The following TCF24 variants were observed in gnomAD, a reference collection of about 807,000 sequenced individuals.
TCF24 encodes the protein transcription factor 24.
Under a neutral mutation model 9.3 loss-of-function variants are expected in TCF24, and 5 were observed. The observed-to-expected ratio is 0.54, with a 90% CI of 0.28 to 1.13. TCF24 has a LOEUF of 1.13. TCF24 is among the 50% of genes most tolerant of loss of function. The pLI, the probability that TCF24 is intolerant of heterozygous loss-of-function variation, is 0.09. For missense variants in TCF24, 220 were observed against 236.1 expected (o/e 0.93, Z 0.45); for synonymous variants, 110 against 115.8 (o/e 0.95, Z 0.32).
intron 3 of TCF24, among the ~76,000 whole-genome samples, 166 bp downstream of exon 3, chr8:66,961,210 C>A (rs921678927): frequency 5.9e-5 from 9 of 152,210 alleles, no homozygotes; most frequent in African/African-American, 2.2e-4. Flanking sequence ...GCTTTCGCGG[C>A]GGGGACCTTG....
intron 3 of TCF24, among the ~76,000 whole-genome samples, chr8:66,956,714 T>A (rs1355841168): frequency 6.6e-6 from 1 of 152,192 alleles, no homozygotes; most frequent in Non-Finnish European, 1.5e-5. Context: ...TATCAAGATC[T>A]GGCATTGTTA....
At position 66,948,797 on chromosome 8, in the gene TCF24, G is replaced by A. The variant is rs546311139; in HGVS notation, c.391-633C>T. Among the ~76,000 whole-genome samples the A allele has an allele frequency of 2.6e-5, 4 of 152,254 alleles. No homozygotes were observed. In the East Asian group the frequency reaches 7.7e-4, roughly 29 times the overall value. On this transcript the variant is annotated intron_variant, in intron 3 of 3. Transcript: ENST00000563496. ...TGCAACCTCCATCTCCTGGGTTCAA[G>A]TGATTCTCCTGCCTCAGCCTCCTGA...
Position 66,961,575 on chromosome 8 carries a change from GTC to G in TCF24, c.189_190del (p.Gln63HisfsTer96). 1 of 1,450,026 alleles carries G rather than the reference GTC, an allele frequency of 6.9e-7. No individual in the cohort carries two copies. The highest frequency in any genetic ancestry group is 9.1e-7 in the Non-Finnish European group (1 of 1,103,848). 89.8% of individuals were successfully genotyped at this position (1,450,026 alleles called of 1,614,324 possible). ...CAGCTCCAGGAAAGCGTGCCGCAGG[GTC>G]TGCACCCGGCTGCGCTCCCGCGCCG... On this transcript the variant is annotated frameshift_variant, in exon 3 of 4. Coordinates refer to ENST00000563496, the MANE Select transcript of TCF24 (RefSeq NM_001193502.2). LOFTEE classifies it high-confidence loss of function.
intron 2 of TCF24, 37 bp downstream of exon 2, chr8:66,961,840 G>A (rs1323897137): frequency 5.9e-6 from 6 of 1,023,422 alleles, no homozygotes; most frequent in East Asian, 1.5e-4. Flanking sequence ...GGCTTAACCC[G>A]AGAGGCGCAG....
chr8:66,948,231 A>G, intron 3 of TCF24, 67 bp from the exon 4 acceptor site: 3 of 1,111,060 alleles, frequency 2.7e-6, no homozygotes, highest in Non-Finnish European at 3.7e-6. Flanking sequence ...CATGGTCTAC[A>G]ATGTTAAAGA....
At position 66,947,992 on chromosome 8, in the gene TCF24, A is replaced by C. The variant is rs1203473062; in HGVS notation, c.*59T>G. 102 of 1,204,994 alleles carry C rather than the reference A, an allele frequency of 8.5e-5. No individual in the cohort carries two copies. Among genetic ancestry groups the C allele is most frequent in the Non-Finnish European group, 1.1e-4 (101 of 885,290 alleles). The allele number at this position is 1,204,994 out of a possible 1,614,324, so 74.6% of individuals were successfully genotyped here. On this transcript the variant is annotated 3_prime_UTR_variant, in exon 4 of 4. Transcript: ENST00000563496. Reference sequence around the variant, plus strand: ...TGTCTCATATAATAAATATAGAATTATGTCATAGTATTTAAAAACAATAGC... The same window carrying C: ...TGTCTCATATAATAAATATAGAATTCTGTCATAGTATTTAAAAACAATAGC...
intron 3 of TCF24, among the ~76,000 whole-genome samples, chr8:66,957,165 C>G (rs951057580): frequency 6.7e-6 from 1 of 148,888 alleles, no homozygotes; most frequent in African/African-American, 2.5e-5. Context: ...TCATGTAATC[C>G]CAGTACTTTG....
At chr8:66,955,239 G>A (rs1411998073) in intron 3 of TCF24, 1 of 152,146 alleles carries the variant, frequency 6.6e-6, no homozygotes, top group Admixed American at 6.5e-5. Flanking sequence ...TTGCCAGACA[G>A]ACATAATGAT....
rs1040138725 is a variant in TCF24 at position 66,961,059 on chromosome 8, A to T, written c.390+317T>A. Among the ~76,000 whole-genome samples, 7 of 152,336 alleles carry T rather than the reference A, an allele frequency of 4.6e-5. No individual in the cohort carries two copies. In the East Asian group the frequency reaches 1.3e-3, roughly 29 times the overall value. On this transcript the variant is annotated intron_variant, in intron 3 of 3. Transcript: ENST00000563496. The stretch of plus-strand genomic sequence containing the variant: ...AACTCAGATATTAAACATTATCAGG[A>T]TGTGCAACCAAGCCCCCATTTCTCA...
intron 3 of TCF24, among the ~76,000 whole-genome samples, chr8:66,954,184 G>A (rs1189857582): frequency 2.0e-5 from 3 of 152,182 alleles, no homozygotes; most frequent in Admixed American, 6.5e-5. Context: ...GCATTTTAGA[G>A]TTTCCAGTAT....
chr8:66,956,042 C>T (rs1814146298), intron 3 of TCF24, among the ~76,000 whole-genome samples: 1 of 152,064 alleles, frequency 6.6e-6, no homozygotes, highest in Non-Finnish European at 1.5e-5. Flanking sequence ...ATGCAATCTT[C>T]CTGCCTCAGC....
intron 3 of TCF24, among the ~76,000 whole-genome samples, chr8:66,958,673 C>CA (rs1814206487): frequency 1.3e-5 from 2 of 151,908 alleles, no homozygotes; most frequent in African/African-American, 2.4e-5. Context: ...ACAACAACAA[C>CA]AAAAAAGCAC....
At chr8:66,961,328 G>A in intron 3 of TCF24, 48 bp downstream of exon 3, 1 of 1,396,240 alleles carries the variant, frequency 7.2e-7, no homozygotes, top group Non-Finnish European at 9.3e-7. Flanking sequence ...GGCAGATCAA[G>A]GTGTCCTGGT....
intron 3 of TCF24, 137 bp downstream of exon 3, chr8:66,961,239 G>C (rs1323645670): frequency 8.3e-7 from 1 of 1,205,450 alleles, no homozygotes; most frequent in Non-Finnish European, 1.1e-6. Flanking sequence ...ACCCTCGCGG[G>C]CCGAGGTCGT....
rs1431940061 is a variant in TCF24, at chr8:66,947,861, T to G, written c.*190A>C. ...AGTAGTGACTCTCACACTGAACAGA[T>G]AAGCTGTGTGTTTTATATAACACTG... On this transcript the variant is annotated 3_prime_UTR_variant, in exon 4 of 4. Coordinates refer to ENST00000563496, the MANE Select transcript of TCF24 (RefSeq NM_001193502.2). 2.1e-6 allele frequency: 1 copy of G among 478,884 alleles called. No individual in the cohort carries two copies. The highest frequency in any genetic ancestry group is 3.8e-5 in the Admixed American group (1 of 26,566). 29.7% of individuals were successfully genotyped at this position (478,884 alleles called of 1,614,324 possible).
intron 3 of TCF24, among the ~76,000 whole-genome samples, chr8:66,959,706 TA>T (rs1306921060): frequency 1.3e-5 from 2 of 152,238 alleles, no homozygotes; most frequent in African/African-American, 4.8e-5. Context: ...TGTTTGATTT[TA>T]AAACATGCTT....
chr8:66,950,224 GT>G (rs1814037299), intron 3 of TCF24, among the ~76,000 whole-genome samples: 1 of 151,026 alleles, frequency 6.6e-6, no homozygotes, highest in African/African-American at 2.4e-5. Flanking sequence ...TTCTTCTCGG[GT>G]TTTTATGGTT....
rs549643116 is a variant in TCF24 at position 66,949,323 on chromosome 8, C to G, written c.391-1159G>C. Among the ~76,000 whole-genome samples, 174 of 151,414 alleles carry G rather than the reference C, an allele frequency of 1.1e-3. 1 individual carries two copies. In the South Asian group the frequency reaches 0.02, roughly 17 times the overall value. On this transcript the variant is annotated intron_variant, in intron 3 of 3. Transcript: ENST00000563496. ...CCTGGGTCCATGTGATCTCATTGTT[C>G]AATTCCCACCTATGAGTGAGAATAT...
chr8:66,959,690 A>C (rs978416334), intron 3 of TCF24, among the ~76,000 whole-genome samples: 9 of 152,348 alleles, frequency 5.9e-5, no homozygotes, highest in Non-Finnish European at 1.2e-4. Context: ...GTAGGAATTC[A>C]ATAAATGTTT....
Sources: allele counts gnomAD v4.1 joint callset (sites outside exome capture counted in the v4.1 genomes callset), GRCh38; gene constraint gnomAD v4.1.1; transcripts MANE v1.5; gene names NCBI Gene and HGNC (gene_info 2026-07-23, HGNC 2026-07-21).